Variants in UBR4 observed in about 807,000 individuals in gnomAD.
The protein encoded by UBR4 is E3 ubiquitin-protein ligase UBR4.
In UBR4, 124 loss-of-function variants were observed where a neutral mutation model predicts 575.6. That is an observed-to-expected ratio of 0.22 (90% CI 0.19 to 0.25). UBR4 has a LOEUF of 0.25. Among genes scored for constraint, UBR4 ranks in the 10% least tolerant of loss-of-function variants. UBR4 has a pLI of 1.00. For synonymous variants in UBR4, 2,455 were observed against 2,473.7 expected, an observed-to-expected ratio of 0.99 and a Z score of 0.22; for missense variants, 4,818 against 6,478.8, an observed-to-expected ratio of 0.74 and a Z score of 8.80.
chr1:19,164,175 T>C (rs1380125763), intron 33 of UBR4, 78 bp downstream of exon 33: 10 of 1,490,496 alleles, frequency 6.7e-6, no homozygotes, highest in Non-Finnish European at 9.0e-6. Context: ...TCTTCTGTAC[T>C]CACTTTGAGC....
At chr1:19,194,145 T>C (rs1295611684) in intron 8 of UBR4, among the ~76,000 whole-genome samples, 4 of 152,194 alleles carry the variant, frequency 2.6e-5, no homozygotes, top group Admixed American at 1.3e-4. Flanking sequence ...TCAAAACCCA[T>C]AGACCTGTAC....
In UBR4 at chr1:19,193,516, T is replaced by A. The variant is rs776781793; in HGVS notation, c.1060A>T (p.Ser354Cys). The change falls in exon 9 of 106, where the codon AGT becomes TGT. Residue 354 changes from serine to cysteine, a missense_variant. By Grantham distance (112) the Ser-to-Cys change is moderately radical (BLOSUM62 -1). Transcript: ENST00000375254. ...GACCCTGTCCGCACTTGCTGGGCAC[T>A]ACCCACATGGAGGATGGCCATGCAC... The part of the protein sequence containing the change: ...ATCMAILHVG[S>C]AQQVRTGSTS... 4 of 1,614,012 alleles carry A rather than the reference T, an allele frequency of 2.5e-6. No homozygotes were observed. The highest frequency in any genetic ancestry group is 3.4e-6 in the Non-Finnish European group (4 of 1,180,020).
At position 19,121,203 on chromosome 1, in the gene UBR4, T is replaced by C. The variant is rs768184519; in HGVS notation, c.10127A>G (p.Glu3376Gly). 26 of 1,613,860 alleles carry C rather than the reference T, an allele frequency of 1.6e-5. No individual in the cohort carries two copies. Among genetic ancestry groups the C allele is most frequent in the Non-Finnish European group, 3.4e-6 (4 of 1,179,976 alleles). ...STKKSKKEEK[E>G]KEKDGETSGS... ...GTGACCCTTACCATCTTTCTCCTTT[T>C]CTTTTTCTTCTTTCTTGCTCTTTTT... is the stretch of plus-strand genomic sequence containing the variant. The change falls in exon 68 of 106, where the codon GAA becomes GGA. Residue 3376 changes from glutamate (E) to glycine (G), a missense_variant. Coordinates refer to ENST00000375254, the MANE Select transcript of UBR4 (RefSeq NM_020765.3).
At position 19,197,352 on chromosome 1, in the gene UBR4, G is replaced by A. The variant is rs2092519659; in HGVS notation, c.894-87C>T. The A allele has an allele frequency of 2.0e-5, 31 of 1,553,984 alleles. No individual in the cohort carries two copies. In the Middle Eastern group the frequency reaches 1.7e-3, roughly 86 times the overall value. On this transcript the variant is annotated intron_variant, in intron 7 of 105. Transcript: ENST00000375254. ...TTAAAGAAATTATCAGCATGGGCCCGGCACAGTGGCTCACGCCTATAATTC... is the reference window on the plus strand; with the variant it reads ...TTAAAGAAATTATCAGCATGGGCCCAGCACAGTGGCTCACGCCTATAATTC...
At chr1:19,190,312 A>ATATATATAT (rs1553226958) in intron 11 of UBR4, among the ~76,000 whole-genome samples, 9 of 79,904 alleles carry the variant, frequency 1.1e-4, no homozygotes, top group African/African-American at 1.6e-4. Flanking sequence ...AAAAAAAAAA[A>ATATATATAT]ATATATATAT....
Position 19,113,991 on chromosome 1 carries a change from T to C in UBR4, c.11282A>G (p.Glu3761Gly). The change falls in exon 76 of 106, where the codon GAG becomes GGG. Residue 3761 changes from glutamate (E) to glycine (G), a missense_variant. This residue lies in a region of UBR4 where 333 missense variants were observed against 459.2 expected (regional missense o/e 0.73). Transcript: ENST00000375254. ...HQLMGHRPQL[E>G]NLLCKVNEAA... Reference sequence around the variant, plus strand: ...CTCATTCACTTTGCAGAGCAGGTTCTCCAGCTGTGGCCGGTGTCCCATCAG... The same window carrying C: ...CTCATTCACTTTGCAGAGCAGGTTCCCCAGCTGTGGCCGGTGTCCCATCAG... The C allele has an allele frequency of 6.2e-7, 1 of 1,614,244 alleles. No homozygotes were observed.
At position 19,105,869 on chromosome 1, in the gene UBR4, G is replaced by A. The variant is rs369716047; in HGVS notation, c.12394-27C>T. ...TGCAGGACAGGGGAGAGAAGGGGTC[G>A]TAGACTCAGAGGATGCCCTGCCTCA... On this transcript the variant is annotated intron_variant, in intron 83 of 105. Coordinates refer to ENST00000375254, the MANE Select transcript of UBR4 (RefSeq NM_020765.3). The A allele has an allele frequency of 6.9e-5, 105 of 1,521,392 alleles. 1 individual carries two copies. Among genetic ancestry groups the A allele is most frequent in the South Asian group, 2.6e-5 (2 of 76,736 alleles). 94.2% of individuals were successfully genotyped at this position (1,521,392 alleles called of 1,614,324 possible).
chr1:19,143,460 T>C (rs575631613), intron 55 of UBR4, among the ~76,000 whole-genome samples: 1 of 152,242 alleles, frequency 6.6e-6, no homozygotes, highest in South Asian at 2.1e-4. Flanking sequence ...CTTGACTGTA[T>C]TGTGTATTGT....
intron 11 of UBR4, among the ~76,000 whole-genome samples, chr1:19,190,439 A>G (rs1396608848): frequency 6.6e-6 from 1 of 151,702 alleles, no homozygotes; most frequent in Non-Finnish European, 1.5e-5. Context: ...CTCAGAGGGT[A>G]ATTTGTTAAT....
At position 19,100,351 on chromosome 1, in the gene UBR4, G is replaced by A; in HGVS notation, c.13221+25C>T. On this transcript the variant is annotated intron_variant, in intron 89 of 105. Transcript: ENST00000375254. This position sits in a 1 kb window ranked among gnomAD's most constrained non-coding sequence, Gnocchi z 4.2. ...GAGGAAGCCCCTAATCGTAAACGTG[G>A]GCAGCACTGTCCTATGGTCATTACC... The A allele has an allele frequency of 1.2e-6, 2 of 1,613,170 alleles. No individual in the cohort carries two copies. Among genetic ancestry groups the A allele is most frequent in the Non-Finnish European group, 1.7e-6 (2 of 1,179,652 alleles).
chr1:19,187,294 T>C lies in UBR4; in HGVS notation c.1502A>G (p.Glu501Gly). ...CAAGGCTGCAGGGGGGCCATCTGTC[T>C]CCCAACCCTGAAGGCAATGATATCA... ...LQVEALHKGW[E>G]TDGPPAALSI... is the part of the protein sequence containing the mutation. Residue 501 changes from glutamate to glycine, a missense_variant, in exon 13 of 106, where the codon GAG (glutamate) becomes GGG (glycine). Glu to Gly is a moderately conservative substitution (Grantham distance 98). Coordinates refer to ENST00000375254, the MANE Select transcript of UBR4 (RefSeq NM_020765.3). 3.7e-6 allele frequency: 6 copies of C among 1,613,172 alleles called. No homozygotes were observed. Among genetic ancestry groups the C allele is most frequent in the Non-Finnish European group, 4.2e-6 (5 of 1,179,464 alleles).
chr1:19,155,106 A>AT (rs1366578218), intron 43 of UBR4, 31 bp from the exon 44 acceptor site: 1 of 1,610,550 alleles, frequency 6.2e-7, no homozygotes, highest in South Asian at 1.1e-5. Flanking sequence ...ATTTGCAGTA[A>AT]TTCATGTTGC....
chr1:19,143,268 AAGAAAG>A (rs2084309100), intron 55 of UBR4, among the ~76,000 whole-genome samples: 1 of 52,428 alleles, frequency 1.9e-5, no homozygotes, highest in Admixed American at 2.2e-4. Context: ...GGAAGAAAGA[AAGAAAG>A]AAAGAAAGAA....
Position 19,074,625 on chromosome 1 carries a change from T to G in UBR4, c.*207A>C. 1.6e-6 allele frequency: 1 copy of G among 610,858 alleles called. No homozygotes were observed. The highest frequency in any genetic ancestry group is 2.9e-6 in the Non-Finnish European group (1 of 345,694). 37.8% of individuals were successfully genotyped at this position (610,858 alleles called of 1,614,324 possible). ...TGTACAGGCCCTTTGATGGCTTGGG[T>G]TACAGACAACCTCATAGCTGGTGCA... On this transcript the variant is annotated 3_prime_UTR_variant, in exon 106 of 106. Transcript: ENST00000375254.
chr1:19,180,822 C>CA lies in UBR4; in HGVS notation c.2185-1603dup, dbSNP rs150059236. On this transcript the variant is annotated intron_variant, in intron 17 of 105. Transcript: ENST00000375254. ...CCCTTCCACCCCTATCCTTCCTTCT[C>CA]AGCTCTAAGTAAGGTAACTGACTCT... Among the ~76,000 whole-genome samples, 159 of 152,202 alleles carry CA rather than the reference C, an allele frequency of 1.0e-3. 4 individuals carry two copies. The East Asian group carries it at 0.028, about 27-fold the overall frequency.
chr1:19,085,649 AC>A (rs1460292125), intron 101 of UBR4, among the ~76,000 whole-genome samples: 2 of 152,166 alleles, frequency 1.3e-5, no homozygotes, highest in Non-Finnish European at 2.9e-5. Flanking sequence ...GCACCACTCC[AC>A]AAGGCATCAG....
chr1:19,146,253 T>A (rs758886011), intron 52 of UBR4: 9 of 520,208 alleles, frequency 1.7e-5, no homozygotes, highest in Non-Finnish European at 2.5e-5. Flanking sequence ...TCTAGAGATC[T>A]CTCTAGAACA....
In UBR4 at chr1:19,192,179, G is replaced by A; in HGVS notation, c.1394+9C>T. Reference sequence around the variant, plus strand: ...ACAAAATATAAGTTATAATCAAGTAGACACATACCCTTTTCCAGGCCCCAG... The same window carrying A: ...ACAAAATATAAGTTATAATCAAGTAAACACATACCCTTTTCCAGGCCCCAG... On this transcript the variant is annotated intron_variant, in intron 11 of 105. Transcript: ENST00000375254. The A allele has an allele frequency of 6.2e-7, 1 of 1,611,064 alleles. No individual in the cohort carries two copies. The highest frequency in any genetic ancestry group is 8.5e-7 in the Non-Finnish European group (1 of 1,178,882).
At chr1:19,104,324 A>G in intron 86 of UBR4, 67 bp from the exon 87 acceptor site, 1 of 1,569,884 alleles carries the variant, frequency 6.4e-7, no homozygotes. Flanking sequence ...CTGTGTCTCA[A>G]AAGATTATGA....
Sources: allele counts gnomAD v4.1 joint callset (sites outside exome capture counted in the v4.1 genomes callset), GRCh38; gene constraint gnomAD v4.1.1; regional missense constraint gnomAD v4.1.1; non-coding constraint Gnocchi (gnomAD v3.1); transcripts MANE v1.5; gene names NCBI Gene and HGNC (gene_info 2026-07-23, HGNC 2026-07-21).